ZC3H6: variants seen among roughly 807,000 people sequenced by gnomAD.
The protein encoded by ZC3H6 is zinc finger CCCH domain-containing protein 6.
ZC3H6 carries 40 observed loss-of-function variants against 107.7 expected under a neutral mutation model. That is an observed-to-expected ratio of 0.37 (90% CI 0.29 to 0.48). The LOEUF (loss-of-function observed/expected upper bound fraction) is 0.48, where lower values mean the gene tolerates loss of function less well. Ranked by LOEUF, ZC3H6 falls within the 20% of genes least tolerant of loss-of-function variation. The pLI is 0.98. For missense variants in ZC3H6, 1,267 were observed against 1,410.4 expected (o/e 0.90, Z 1.63); for synonymous variants, 493 against 487.9 (o/e 1.01, Z -0.14).
chr2:112,330,365 TTTAAAG>T (rs1210020363), intron 11 of ZC3H6, among the ~76,000 whole-genome samples: 2 of 152,278 alleles, frequency 1.3e-5, no homozygotes, highest in African/African-American at 4.8e-5. Context: ...TTTTGTTATT[TTTAAAG>T]TTAATGTTTG....
At chr2:112,306,846 A>C (rs187337135) in intron 3 of ZC3H6, among the ~76,000 whole-genome samples, 27 of 152,234 alleles carry the variant, frequency 1.8e-4, no homozygotes, top group Admixed American at 3.9e-4. Context: ...TAGACAACAG[A>C]GACAGTCTAA....
chr2:112,299,201 C>T lies in ZC3H6; in HGVS notation c.33-648C>T, dbSNP rs533345662. Among the ~76,000 whole-genome samples the T allele has an allele frequency of 1.8e-4, 27 of 150,092 alleles. No individual in the cohort carries two copies. In the South Asian group the frequency reaches 4.4e-3, roughly 25 times the overall value. Reference sequence around the variant, plus strand: ...CTGAGGCAGTAGAATGGCGTGAACCCGGGAGGCGGAGCTTGCAGTGAGCCG... The same window carrying T: ...CTGAGGCAGTAGAATGGCGTGAACCTGGGAGGCGGAGCTTGCAGTGAGCCG... On this transcript the variant is annotated intron_variant, in intron 1 of 11. Coordinates refer to ENST00000409871, the MANE Select transcript of ZC3H6 (RefSeq NM_198581.3).
chr2:112,322,987 A>C (rs1369676486), intron 9 of ZC3H6, 85 bp downstream of exon 9: 5 of 1,399,432 alleles, frequency 3.6e-6, no homozygotes, highest in Non-Finnish European at 3.9e-6. Context: ...CAAGCTAATC[A>C]TGTAATTAAA....
chr2:112,324,538 A>G lies in ZC3H6; in HGVS notation c.1727A>G (p.Gln576Arg). Reference sequence around the variant, plus strand: ...CACTGTTCTCCAGGTTCATCATACCAGCAAAGTCCTGGTGAAATGCAGCTC... The same window carrying G: ...CACTGTTCTCCAGGTTCATCATACCGGCAAAGTCCTGGTGAAATGCAGCTC... The part of the protein sequence containing the change: ...ENHCSPGSSY[Q>R]QSPGEMQLNT... The change falls in exon 10 of 12, where the codon CAG (glutamine) becomes CGG (arginine). Residue 576 changes from glutamine (Q) to arginine (R), a missense_variant. Around this residue, in one of 3 missense-constraint regions of ZC3H6, gnomAD observed 925 missense variants for 1,025.7 expected, o/e 0.90. Coordinates refer to ENST00000409871, the MANE Select transcript of ZC3H6 (RefSeq NM_198581.3). The G allele has an allele frequency of 6.2e-7, 1 of 1,612,872 alleles. No homozygotes were observed. The highest frequency in any genetic ancestry group is 8.5e-7 in the Non-Finnish European group (1 of 1,179,346).
intron 10 of ZC3H6, 97 bp downstream of exon 10, chr2:112,324,760 G>A: frequency 7.9e-7 from 1 of 1,270,152 alleles, no homozygotes; most frequent in Non-Finnish European, 1.1e-6. Context: ...AAGTAAAGCT[G>A]AGTAAAATTG....
rs1289612673 is a variant in ZC3H6, at chr2:112,335,150, T to C, written c.*2662T>C. ...CTTGGTTAAGACCTCATTGTGAACC[T>C]TGAACACAAATCAGATGTTGGAGTG... On this transcript the variant is annotated 3_prime_UTR_variant, in exon 12 of 12. Transcript: ENST00000409871. 1 of 152,216 alleles carries C rather than the reference T, an allele frequency of 6.6e-6. No individual in the cohort carries two copies. Among genetic ancestry groups the C allele is most frequent in the Non-Finnish European group, 1.5e-5 (1 of 68,020 alleles). The allele number at this position is 152,216 out of a possible 1,614,324, so 9.4% of individuals were successfully genotyped here. A position where few individuals can be genotyped will look rare whatever the true frequency, so the allele number is the denominator to read the frequency against.
intron 11 of ZC3H6, among the ~76,000 whole-genome samples, chr2:112,326,860 G>C (rs556783144): frequency 6.6e-6 from 1 of 152,098 alleles, no homozygotes; most frequent in Admixed American, 6.6e-5. Context: ...TGATCTGCCC[G>C]CCTCGGCCTC....
In ZC3H6 at chr2:112,322,711, G is replaced by A; in HGVS notation, c.1149G>A (p.Lys383=). The A allele has an allele frequency of 6.2e-7, 1 of 1,613,486 alleles. No homozygotes were observed. Among genetic ancestry groups the A allele is most frequent in the Non-Finnish European group, 8.5e-7 (1 of 1,179,684 alleles). Residue 383 remains lysine (K), a synonymous_variant, in exon 9 of 12, where the codon AAG becomes AAA. Coordinates refer to ENST00000409871, the MANE Select transcript of ZC3H6 (RefSeq NM_198581.3). ...AAAGAGAATTAGAGGAACTTAGAAA[G>A]CGTGGCATAACTCCTCTTCCCAAAC... The part of the protein sequence containing the change: ...EDERELEELR[K]RGITPLPKPP...
chr2:112,322,560 T>C (rs1053042602), intron 8 of ZC3H6, 89 bp from the exon 9 acceptor site: 1 of 1,388,836 alleles, frequency 7.2e-7, no homozygotes, highest in South Asian at 1.5e-5. Context: ...TTTAATATTA[T>C]TTTTCTACTA....
At chr2:112,279,291 C>G (rs1686485201) in intron 1 of ZC3H6, among the ~76,000 whole-genome samples, 1 of 152,210 alleles carries the variant, frequency 6.6e-6, no homozygotes, top group Non-Finnish European at 1.5e-5. Flanking sequence ...CAATTCACAA[C>G]TCCTGAAGAC....
chr2:112,290,089 C>G (rs961320048), intron 1 of ZC3H6, among the ~76,000 whole-genome samples: 1 of 152,124 alleles, frequency 6.6e-6, no homozygotes, highest in African/African-American at 2.4e-5. Flanking sequence ...TCTTTGAGCC[C>G]TTAAAAAAAT....
At chr2:112,328,870 C>G (rs12468534) in intron 11 of ZC3H6, among the ~76,000 whole-genome samples, 134 of 149,242 alleles carry the variant, frequency 9.0e-4, no homozygotes, top group Admixed American at 1.6e-3. Flanking sequence ...ACCCAGGAGG[C>G]GGAGGTTGCA....
intron 11 of ZC3H6, 78 bp downstream of exon 11, chr2:112,325,275 C>G (rs1676887103): frequency 7.2e-7 from 1 of 1,388,384 alleles, no homozygotes; most frequent in East Asian, 2.4e-5. Flanking sequence ...AGGTGAATCA[C>G]CTGAGGTCAG....
rs1677191107 is a variant in ZC3H6, at chr2:112,338,891, ATATATATATATATATATAT to A, written c.*6404_*6422del. ...TATATATATATATATATATATATAT[ATATATATATATATATATAT>A]ATAATTTTTTTTTTTTGAGACGGAG... On this transcript the variant is annotated 3_prime_UTR_variant, in exon 12 of 12. Coordinates refer to ENST00000409871, the MANE Select transcript of ZC3H6 (RefSeq NM_198581.3). 5.4e-5 allele frequency: 1 copy of A among 18,594 alleles called. No individual in the cohort carries two copies. The highest frequency in any genetic ancestry group is 8.0e-5 in the Non-Finnish European group (1 of 12,542). The allele number at this position is 18,594 out of a possible 1,614,324, so 1.2% of individuals were successfully genotyped here.
chr2:112,282,517 G>C (rs1686545820), intron 1 of ZC3H6, among the ~76,000 whole-genome samples: 3 of 152,088 alleles, frequency 2.0e-5, no homozygotes, highest in African/African-American at 7.2e-5. Context: ...CCTATTATTA[G>C]GCACCCTTTC....
At chr2:112,326,357 A>G (rs1028630751) in intron 11 of ZC3H6, among the ~76,000 whole-genome samples, 1 of 152,060 alleles carries the variant, frequency 6.6e-6, no homozygotes, top group Non-Finnish European at 1.5e-5. Context: ...CTTCCTCCCT[A>G]TCTGCCAGCT....
intron 1 of ZC3H6, among the ~76,000 whole-genome samples, chr2:112,292,474 A>G (rs931346150): frequency 3.9e-5 from 6 of 152,238 alleles, no homozygotes; most frequent in Non-Finnish European, 5.9e-5. Flanking sequence ...AGACAAGAAT[A>G]ACTAGAACGA....
At chr2:112,303,099 G>C (rs1251270173) in intron 2 of ZC3H6, 130 bp from the exon 3 acceptor site, 3 of 1,172,886 alleles carry the variant, frequency 2.6e-6, no homozygotes, top group Non-Finnish European at 3.5e-6. Flanking sequence ...TTTTTCAGTA[G>C]TACTTCAGAG....
At position 112,303,311 on chromosome 2, in the gene ZC3H6, G is replaced by A. The variant is rs1676420334; in HGVS notation, c.296G>A (p.Arg99Lys). 2 of 1,613,028 alleles carry A rather than the reference G, an allele frequency of 1.2e-6. No homozygotes were observed. Among genetic ancestry groups the A allele is most frequent in the Non-Finnish European group, 1.7e-6 (2 of 1,179,394 alleles). Residue 99 changes from arginine to lysine, a missense_variant, in exon 3 of 12, where the codon AGA (arginine) becomes AAA (lysine). By Grantham distance (26) the Arg-to-Lys change is conservative. Coordinates refer to ENST00000409871, the MANE Select transcript of ZC3H6 (RefSeq NM_198581.3). ...CATACAGAAAGTTCCCATAAAAAAA[G>A]AACTGGTTTCTACAGGGATTATGAC... Reference protein sequence around the residue: ...VEHTESSHKKRTGFYRDYDIP... With the variant: ...VEHTESSHKKKTGFYRDYDIP...
Sources: gnomAD v4.1 joint callset for allele counts (sites outside exome capture counted in the v4.1 genomes callset) on GRCh38, gnomAD v4.1.1 for gene constraint, gnomAD v4.1.1 regional missense constraint, MANE v1.5 for transcripts, NCBI Gene and HGNC (gene_info 2026-07-23, HGNC 2026-07-21) for gene names.